The following FMN2 variants were observed in gnomAD, a reference collection of about 807,000 sequenced individuals.
The protein encoded by FMN2 is formin-2.
A neutral mutation model predicts 142.3 loss-of-function variants in FMN2; 51 were observed. The observed-to-expected ratio is 0.36, with a 90% CI of 0.29 to 0.45. The LOEUF (loss-of-function observed/expected upper bound fraction) is 0.45, where lower values mean the gene tolerates loss of function less well. Ranked by LOEUF, FMN2 falls within the 20% of genes least tolerant of loss-of-function variation. The pLI, the probability that FMN2 is intolerant of heterozygous loss-of-function variation, is 1.00. For synonymous variants in FMN2, 882 were observed against 869.8 expected, an observed-to-expected ratio of 1.01 and a Z score of -0.25; for missense variants, 1,936 against 2,122.8, an observed-to-expected ratio of 0.91 and a Z score of 1.73.
At chr1:240,366,475 T>G (rs1447547935) in intron 14 of FMN2, among the ~76,000 whole-genome samples, 2 of 152,136 alleles carry the variant, frequency 1.3e-5, no homozygotes, top group Non-Finnish European at 2.9e-5. Context: ...GTGGTTCTAT[T>G]TCATTAATTT....
rs547760900 is a variant in FMN2, at chr1:240,144,523, G to A, written c.1782+21178G>A. 200 of 1,466,996 alleles carry A rather than the reference G, an allele frequency of 1.4e-4. 1 individual carries two copies. In the East Asian group the frequency reaches 4.1e-3, roughly 30 times the overall value. 90.9% of individuals were successfully genotyped at this position (1,466,996 alleles called of 1,614,324 possible). A position where few individuals can be genotyped will look rare whatever the true frequency, so the allele number is the denominator to read the frequency against. On this transcript the variant is annotated intron_variant, in intron 2 of 17. Transcript: ENST00000319653. Reference sequence around the variant, plus strand: ...TCTGTTTCTGTACTACCACATCCTCGCAGGATGTGAAGATGTCTTCTACCA... The same window carrying A: ...TCTGTTTCTGTACTACCACATCCTCACAGGATGTGAAGATGTCTTCTACCA...
chr1:240,318,612 G>C (rs1670868831), intron 8 of FMN2, among the ~76,000 whole-genome samples: 1 of 152,016 alleles, frequency 6.6e-6, no homozygotes, highest in Admixed American at 6.6e-5. Flanking sequence ...TTATGTCCAG[G>C]TATTATTCTA....
chr1:240,348,355 G>A (rs1309210879), intron 13 of FMN2, among the ~76,000 whole-genome samples: 1 of 151,388 alleles, frequency 6.6e-6, no homozygotes, highest in African/African-American at 2.4e-5. Context: ...TCAAATAGCT[G>A]GGATTACAGG....
chr1:240,150,484 AC>A (rs1326466413), intron 2 of FMN2, among the ~76,000 whole-genome samples: 1 of 152,240 alleles, frequency 6.6e-6, no homozygotes, highest in East Asian at 1.9e-4. Flanking sequence ...TATCTTGCTC[AC>A]AGCCTTGTTA....
At chr1:240,340,971 A>G (rs1671723595) in intron 13 of FMN2, among the ~76,000 whole-genome samples, 1 of 152,106 alleles carries the variant, frequency 6.6e-6, no homozygotes, top group Admixed American at 6.5e-5. Flanking sequence ...TTAGATGTAC[A>G]TTGGTCTAAT....
intron 2 of FMN2, among the ~76,000 whole-genome samples, chr1:240,154,217 G>A (rs1405539146): frequency 6.6e-6 from 1 of 151,712 alleles, no homozygotes; most frequent in East Asian, 1.9e-4. Flanking sequence ...GAGAGAGGGA[G>A]CAGACAGACA....
intron 16 of FMN2, among the ~76,000 whole-genome samples, chr1:240,444,429 G>A (rs937345348): frequency 2.6e-5 from 4 of 152,224 alleles, no homozygotes; most frequent in South Asian, 4.1e-4. Context: ...CAGCCTCATA[G>A]TGTGTATTGT....
chr1:240,260,426 T>C (rs1668587400), intron 7 of FMN2, among the ~76,000 whole-genome samples: 1 of 148,910 alleles, frequency 6.7e-6, no homozygotes, highest in Non-Finnish European at 1.5e-5. Context: ...TATTTTTTTA[T>C]TTTTTTTTAA....
At chr1:240,377,555 T>C (rs1673087414) in intron 14 of FMN2, among the ~76,000 whole-genome samples, 1 of 152,224 alleles carries the variant, frequency 6.6e-6, no homozygotes, top group South Asian at 2.1e-4. Context: ...TTTCTTTGCC[T>C]TTTTTTAGAC....
intron 5 of FMN2, among the ~76,000 whole-genome samples, chr1:240,210,169 T>A (rs1293079292): frequency 6.6e-6 from 1 of 152,212 alleles, no homozygotes; most frequent in African/African-American, 2.4e-5. Flanking sequence ...TATACATTTA[T>A]GTGTCATCTA....
chr1:240,155,190 A>G (rs771340257), intron 2 of FMN2, among the ~76,000 whole-genome samples: 1 of 152,120 alleles, frequency 6.6e-6, no homozygotes, highest in Non-Finnish European at 1.5e-5. Context: ...ACACCTGGCC[A>G]CTAATCTTTG....
In FMN2 at chr1:240,148,950, T is replaced by A. The variant is rs539149932; in HGVS notation, c.1782+25605T>A. On this transcript the variant is annotated intron_variant, in intron 2 of 17. Transcript: ENST00000319653. Reference sequence around the variant, plus strand: ...TCGCGCCACTGCACTCCAGCCTGGGTGACAGAGCGAGACTCCGTCTCAAAA... The same window carrying A: ...TCGCGCCACTGCACTCCAGCCTGGGAGACAGAGCGAGACTCCGTCTCAAAA... Among the ~76,000 whole-genome samples the A allele has an allele frequency of 1.8e-4, 26 of 147,408 alleles. No individual in the cohort carries two copies. In the East Asian group the frequency reaches 5.0e-3, roughly 28 times the overall value.
chr1:240,204,708 G>A (rs565244937), intron 4 of FMN2, among the ~76,000 whole-genome samples: 20 of 152,190 alleles, frequency 1.3e-4, no homozygotes, highest in East Asian at 3.9e-4. Context: ...CTCAGATCAC[G>A]CTATTGCACT....
chr1:240,271,478 C>T (rs1167784959), intron 7 of FMN2, among the ~76,000 whole-genome samples: 1 of 150,960 alleles, frequency 6.6e-6, no homozygotes, highest in Non-Finnish European at 1.5e-5. Context: ...TGCTTCATGC[C>T]CCCATTTTTT....
chr1:240,201,014 T>C lies in FMN2; in HGVS notation c.1987-5785T>C, dbSNP rs75913068. ...TACTTCCTCTGCCATTTGTTAGCTC[T>C]GGTTCTTATTGTATCTTACATTTGA... On this transcript the variant is annotated intron_variant, in intron 4 of 17. Coordinates refer to ENST00000319653, the MANE Select transcript of FMN2 (RefSeq NM_020066.5). Among the ~76,000 whole-genome samples the C allele has an allele frequency of 8.4e-3, 1,278 of 152,346 alleles. 16 individuals carry two copies. Among genetic ancestry groups the C allele is most frequent in the African/African-American group, 0.029 (1,214 of 41,586 alleles).
chr1:240,284,511 T>G (rs1447631877), intron 7 of FMN2, among the ~76,000 whole-genome samples: 1 of 152,196 alleles, frequency 6.6e-6, no homozygotes, highest in Non-Finnish European at 1.5e-5. Context: ...ATAAAAGCAC[T>G]TTCCCTTCCC....
At chr1:240,355,196 T>C (rs147812363) in intron 13 of FMN2, among the ~76,000 whole-genome samples, 1 of 152,244 alleles carries the variant, frequency 6.6e-6, no homozygotes, top group African/African-American at 2.4e-5. Context: ...TAAAAGGAGG[T>C]AATAAGTCTA....
intron 15 of FMN2, among the ~76,000 whole-genome samples, chr1:240,416,213 T>TAAGA (rs1275766582): frequency 4.6e-5 from 7 of 151,844 alleles, no homozygotes; most frequent in African/African-American, 1.7e-4. Flanking sequence ...AATAACGACT[T>TAAGA]AAGAAAGAAA....
chr1:240,184,236 C>T (rs1180383711), intron 3 of FMN2, among the ~76,000 whole-genome samples: 3 of 79,450 alleles, frequency 3.8e-5, no homozygotes, highest in South Asian at 5.8e-4. Context: ...AATATTTAAC[C>T]TTTTTTTTTT....
Sources: allele counts gnomAD v4.1 joint callset (sites outside exome capture counted in the v4.1 genomes callset), GRCh38; gene constraint gnomAD v4.1.1; transcripts MANE v1.5; gene names NCBI Gene and HGNC (gene_info 2026-07-23, HGNC 2026-07-21).